The following SRGAP3 variants were observed in gnomAD, a reference collection of about 807,000 sequenced individuals.
SRGAP3 encodes the protein SLIT-ROBO Rho GTPase-activating protein 3.
A neutral mutation model predicts 121.1 loss-of-function variants in SRGAP3; 39 were observed. That is an observed-to-expected ratio of 0.32 (90% CI 0.25 to 0.42). The LOEUF is 0.42. SRGAP3 is among the 10% of genes least tolerant of loss of function. The pLI, the probability that SRGAP3 is intolerant of heterozygous loss-of-function variation, is 1.00. For missense variants in SRGAP3, 1,213 were observed against 1,470.6 expected (o/e 0.82, Z 2.86); for synonymous variants, 601 against 570.0 (o/e 1.05, Z -0.77).
At chr3:9,151,874 A>G (rs923864776) in intron 1 of SRGAP3, among the ~76,000 whole-genome samples, 1 of 152,232 alleles carries the variant, frequency 6.6e-6, no homozygotes, top group African/African-American at 2.4e-5. Flanking sequence ...AGAAGCAGGC[A>G]ACGGGAATCC....
chr3:9,010,466 C>T, intron 17 of SRGAP3, 79 bp from the exon 18 acceptor site: 1 of 1,544,582 alleles, frequency 6.5e-7, no homozygotes, highest in Non-Finnish European at 9.0e-7. Flanking sequence ...CATGCCAGTC[C>T]AGTTGGCCTC....
intron 1 of SRGAP3, among the ~76,000 whole-genome samples, chr3:9,157,133 A>G (rs1163099643): frequency 6.6e-6 from 1 of 152,212 alleles, no homozygotes; most frequent in Non-Finnish European, 1.5e-5. Context: ...TATAAAGAAA[A>G]TTTATAATTG....
At chr3:9,100,308 T>C (rs576929883) in intron 3 of SRGAP3, among the ~76,000 whole-genome samples, 2 of 152,268 alleles carry the variant, frequency 1.3e-5, no homozygotes, top group Non-Finnish European at 2.9e-5. Context: ...CAGGCTCTTA[T>C]TCATCCGTCA....
At chr3:9,153,917 C>T (rs1288119170) in intron 1 of SRGAP3, among the ~76,000 whole-genome samples, 1 of 152,128 alleles carries the variant, frequency 6.6e-6, no homozygotes, top group Non-Finnish European at 1.5e-5. Flanking sequence ...AAGAAGCTGA[C>T]AGCAAGAACA....
chr3:9,180,441 C>A (rs1245740471), intron 1 of SRGAP3, among the ~76,000 whole-genome samples: 1 of 152,186 alleles, frequency 6.6e-6, no homozygotes, highest in East Asian at 1.9e-4. Context: ...CACCACTTTT[C>A]TTTTGGCTGC....
chr3:9,175,120 T>G (rs1164296804), intron 1 of SRGAP3, among the ~76,000 whole-genome samples: 1 of 152,148 alleles, frequency 6.6e-6, no homozygotes, highest in Non-Finnish European at 1.5e-5. Context: ...GACAATGGTT[T>G]GTTTGTCAGC....
At chr3:9,027,728 T>A (rs1246755728) in intron 12 of SRGAP3, among the ~76,000 whole-genome samples, 1 of 152,246 alleles carries the variant, frequency 6.6e-6, no homozygotes, top group African/African-American at 2.4e-5. Context: ...CAAATGATTA[T>A]GGCGGAGGGG....
chr3:9,166,893 A>G (rs1950806485), intron 1 of SRGAP3, among the ~76,000 whole-genome samples: 1 of 152,112 alleles, frequency 6.6e-6, no homozygotes, highest in African/African-American at 2.4e-5. Flanking sequence ...CCTTCTTAGA[A>G]CTTACTCATA....
At chr3:9,021,707 A>G (rs1452394045) in intron 14 of SRGAP3, among the ~76,000 whole-genome samples, 1 of 152,256 alleles carries the variant, frequency 6.6e-6, no homozygotes, top group Non-Finnish European at 1.5e-5. Flanking sequence ...AGGGAAAAAC[A>G]GAGCCAAGGA....
chr3:9,362,215 GAGTGC>G (rs1411150659), intron 1 of SRGAP3, among the ~76,000 whole-genome samples: 1 of 94,458 alleles, frequency 1.1e-5, no homozygotes, highest in Non-Finnish European at 2.1e-5. Context: ...TCCCAGACTG[GAGTGC>G]AGTGGCACAA....
intron 1 of SRGAP3, among the ~76,000 whole-genome samples, chr3:9,188,585 A>G (rs1574837651): frequency 6.6e-6 from 1 of 152,226 alleles, no homozygotes; most frequent in African/African-American, 2.4e-5. Context: ...CAGGGCTAGG[A>G]GAGCTCAGAT....
At chr3:9,123,730 ATATGTG>A (rs942574937) in intron 2 of SRGAP3, among the ~76,000 whole-genome samples, 11 of 110,240 alleles carry the variant, frequency 1.0e-4, no homozygotes, top group Admixed American at 7.9e-4. Context: ...ATATATGTAT[ATATGTG>A]TGTGTGTGTG....
intron 3 of SRGAP3, among the ~76,000 whole-genome samples, chr3:9,309,598 G>A (rs79266117): frequency 0.019 from 2,829 of 152,214 alleles, 40 homozygotes; most frequent in Middle Eastern, 0.037. Context: ...TGGTGGCTCA[G>A]GGCTGTAATC....
chr3:9,003,269 C>G (rs930844788), intron 18 of SRGAP3, among the ~76,000 whole-genome samples: 1 of 152,118 alleles, frequency 6.6e-6, no homozygotes, highest in Non-Finnish European at 1.5e-5. Flanking sequence ...AACTTGAGGT[C>G]AGGAGTTTGA....
chr3:9,031,156 T>C (rs912168854), intron 12 of SRGAP3, among the ~76,000 whole-genome samples: 2 of 152,196 alleles, frequency 1.3e-5, no homozygotes, highest in Non-Finnish European at 2.9e-5. Context: ...GTGCTCATCC[T>C]AAATCACCTT....
intron 10 of SRGAP3, among the ~76,000 whole-genome samples, chr3:9,038,569 C>T (rs1002005012): frequency 5.3e-5 from 8 of 152,260 alleles, no homozygotes; most frequent in Admixed American, 2.0e-4. Flanking sequence ...ATGCCTGGCA[C>T]TGAAGGATAC....
chr3:9,038,379 T>C (rs1033557562), intron 10 of SRGAP3, among the ~76,000 whole-genome samples: 2 of 152,208 alleles, frequency 1.3e-5, no homozygotes, highest in African/African-American at 2.4e-5. Flanking sequence ...CATCTGGGGG[T>C]CTTGTTAAAG....
chr3:9,248,982 T>G lies in SRGAP3; in HGVS notation c.-31A>C. The G allele has an allele frequency of 6.2e-7, 1 of 1,607,592 alleles. No individual in the cohort carries two copies. The highest frequency in any genetic ancestry group is 2.2e-5 in the East Asian group (1 of 44,864). On this transcript the variant is annotated 5_prime_UTR_variant, in exon 1 of 22. Transcript: ENST00000383836. ...GACGTGGCCAAAGGAACTGACAGGCTGTTTGATTTATTTCTCCTTTTCTTT... is the reference window on the plus strand; with the variant it reads ...GACGTGGCCAAAGGAACTGACAGGCGGTTTGATTTATTTCTCCTTTTCTTT...
At chr3:9,294,588 G>A (rs1954921044) in intron 3 of SRGAP3, among the ~76,000 whole-genome samples, 1 of 151,896 alleles carries the variant, frequency 6.6e-6, no homozygotes, top group Non-Finnish European at 1.5e-5. Context: ...ATCCTTGGTG[G>A]GAATGACCAC....
Sources: allele counts gnomAD v4.1 joint callset (sites outside exome capture counted in the v4.1 genomes callset), GRCh38; gene constraint gnomAD v4.1.1; transcripts MANE v1.5; gene names NCBI Gene and HGNC (gene_info 2026-07-23, HGNC 2026-07-21).